The following NCKAP5 variants were observed in gnomAD, a reference collection of about 807,000 sequenced individuals.
NCKAP5 encodes nck-associated protein 5.
NCKAP5 carries 92 observed loss-of-function variants against 167.0 expected under a neutral mutation model. The observed-to-expected ratio is 0.55, with a 90% CI of 0.47 to 0.66. The LOEUF is 0.66. Ranked by LOEUF, NCKAP5 falls within the 30% of genes least tolerant of loss-of-function variation. The pLI is 0.00. For missense variants in NCKAP5, 2,378 were observed against 2,315.0 expected, an observed-to-expected ratio of 1.03 and a Z score of -0.56; for synonymous variants, 891 against 877.4, an observed-to-expected ratio of 1.02 and a Z score of -0.27.
At chr2:133,350,276 G>A (rs1187300836) in intron 3 of NCKAP5, among the ~76,000 whole-genome samples, 1 of 152,054 alleles carries the variant, frequency 6.6e-6, no homozygotes, top group African/African-American at 2.4e-5. Context: ...AGCTGGGTGT[G>A]GTGACACACA....
At chr2:133,253,884 G>A (rs1013565505) in intron 4 of NCKAP5, among the ~76,000 whole-genome samples, 1 of 152,238 alleles carries the variant, frequency 6.6e-6, no homozygotes, top group Non-Finnish European at 1.5e-5. Context: ...GGAGCTCAGA[G>A]TAAGAGATAA....
At chr2:133,401,406 A>G (rs922286741) in intron 3 of NCKAP5, among the ~76,000 whole-genome samples, 2 of 152,146 alleles carry the variant, frequency 1.3e-5, no homozygotes, top group African/African-American at 4.8e-5. Context: ...GGAGCAGGTC[A>G]TGGGCACTCT....
At chr2:132,716,593 G>C (rs995976071) in intron 19 of NCKAP5, among the ~76,000 whole-genome samples, 1 of 151,860 alleles carries the variant, frequency 6.6e-6, no homozygotes, top group Non-Finnish European at 1.5e-5. Flanking sequence ...GTAACACTGG[G>C]GGTTCGGTGG....
intron 3 of NCKAP5, among the ~76,000 whole-genome samples, chr2:133,351,143 A>C (rs1684331341): frequency 6.6e-6 from 1 of 152,128 alleles, no homozygotes. Flanking sequence ...CAATTACTTT[A>C]TAGTTATCGA....
chr2:133,572,472 A>G (rs548067462), upstream of NCKAP5, among the ~76,000 whole-genome samples: 12 of 152,354 alleles, frequency 7.9e-5, no homozygotes, highest in South Asian at 2.5e-3. Flanking sequence ...GCTGAGTCCT[A>G]GGGCATTACT....
chr2:133,116,991 T>G (rs148631521), intron 6 of NCKAP5: 1 of 152,294 alleles, frequency 6.6e-6, no homozygotes, highest in Non-Finnish European at 1.5e-5. Context: ...TGAATAATGG[T>G]TAAGACCTAG....
intron 13 of NCKAP5, among the ~76,000 whole-genome samples, chr2:132,788,000 G>A (rs1035662776): frequency 1.3e-5 from 2 of 152,154 alleles, no homozygotes; most frequent in Non-Finnish European, 2.9e-5. Flanking sequence ...GCCAGTGGCT[G>A]CAAACCTCCC....
rs567170565 is a variant in NCKAP5, at chr2:133,191,123, A to C, written c.207+22593T>G. On this transcript the variant is annotated intron_variant, in intron 5 of 19. Coordinates refer to ENST00000409261, the MANE Select transcript of NCKAP5 (RefSeq NM_207363.3). Reference sequence around the variant, plus strand: ...CAAAAAGTGAGCAAAGGAGATCAACAACATTTCTCAAAAGAAGACATTTAT... The same window carrying C: ...CAAAAAGTGAGCAAAGGAGATCAACCACATTTCTCAAAAGAAGACATTTAT... 2.6e-5 allele frequency among the ~76,000 whole-genome samples: 4 copies of C among 151,898 alleles called. No individual in the cohort carries two copies. The South Asian group carries it at 8.3e-4, about 31-fold the overall frequency.
At chr2:133,518,383 C>A (rs1370732504) in intron 2 of NCKAP5, among the ~76,000 whole-genome samples, 4 of 93,466 alleles carry the variant, frequency 4.3e-5, no homozygotes, top group African/African-American at 1.2e-4. Context: ...GGGATGGAAT[C>A]TCGCTCTGTC....
chr2:133,514,556 G>C (rs1683819635), intron 3 of NCKAP5, among the ~76,000 whole-genome samples: 1 of 152,136 alleles, frequency 6.6e-6, no homozygotes, highest in South Asian at 2.1e-4. Context: ...AAAATAAAAA[G>C]TGTAATGAAG....
chr2:133,475,395 T>C (rs1186379088), intron 3 of NCKAP5, among the ~76,000 whole-genome samples: 3 of 152,192 alleles, frequency 2.0e-5, no homozygotes, highest in African/African-American at 7.2e-5. Context: ...TGTTAAAATT[T>C]ATATAAAAGC....
At chr2:133,339,373 C>T (rs1683426332) in intron 3 of NCKAP5, among the ~76,000 whole-genome samples, 1 of 152,092 alleles carries the variant, frequency 6.6e-6, no homozygotes, top group Non-Finnish European at 1.5e-5. Context: ...GGCTGTGAAT[C>T]CATGGCCCCA....
chr2:133,360,528 C>T (rs1254203169), intron 3 of NCKAP5, among the ~76,000 whole-genome samples: 2 of 152,118 alleles, frequency 1.3e-5, no homozygotes, highest in Non-Finnish European at 2.9e-5. Context: ...AGATCATAGT[C>T]AGTGTTTGCG....
At chr2:133,410,586 T>C (rs556265848) in intron 3 of NCKAP5, among the ~76,000 whole-genome samples, 2 of 152,308 alleles carry the variant, frequency 1.3e-5, no homozygotes, top group South Asian at 4.1e-4. Context: ...CATTCCCACT[T>C]GCTATGCAGC....
At chr2:132,920,771 GTATATATATATATATATATATATATA>G (rs55895538) in intron 8 of NCKAP5, among the ~76,000 whole-genome samples, 24 of 31,576 alleles carry the variant, frequency 7.6e-4, no homozygotes, top group East Asian at 4.7e-3. Flanking sequence ...ATATATGTAT[GTATATATATATATATATATATATATA>G]TATATATATA....
At chr2:133,490,963 G>T (rs1681386439) in intron 3 of NCKAP5, among the ~76,000 whole-genome samples, 2 of 152,204 alleles carry the variant, frequency 1.3e-5, no homozygotes, top group Admixed American at 6.5e-5. Flanking sequence ...AGGTAAGCCT[G>T]CTTACTTTTC....
At chr2:132,986,474 G>A (rs1431305007) in intron 7 of NCKAP5, among the ~76,000 whole-genome samples, 2 of 152,122 alleles carry the variant, frequency 1.3e-5, no homozygotes, top group Non-Finnish European at 2.9e-5. Context: ...AGATTCTGTT[G>A]CAAGTCCCTC....
chr2:133,361,536 T>C (rs1574797918), intron 3 of NCKAP5, among the ~76,000 whole-genome samples: 1 of 152,234 alleles, frequency 6.6e-6, no homozygotes. Flanking sequence ...AATACTGCCA[T>C]GTGGTCCAGT....
rs558096699 is a variant in NCKAP5, at chr2:133,567,729, C to T, written c.-130+487G>A. On this transcript the variant is annotated intron_variant, in intron 1 of 19. Transcript: ENST00000409261. Reference sequence around the variant, plus strand: ...GGGAGAGAGTGTAGGTAGGAGGGGACGAGAGACCATAAACATCAACATCCA... The same window carrying T: ...GGGAGAGAGTGTAGGTAGGAGGGGATGAGAGACCATAAACATCAACATCCA... Among the ~76,000 whole-genome samples the T allele has an allele frequency of 2.2e-4, 30 of 137,590 alleles. No homozygotes were observed. In the South Asian group the frequency reaches 5.2e-3, roughly 24 times the overall value. 90.3% of individuals were successfully genotyped at this position (137,590 alleles called of 152,430 possible).
Sources: gnomAD v4.1 joint callset for allele counts (sites outside exome capture counted in the v4.1 genomes callset) on GRCh38, gnomAD v4.1.1 for gene constraint, MANE v1.5 for transcripts, NCBI Gene and HGNC (gene_info 2026-07-23, HGNC 2026-07-21) for gene names.